Variants in CSMD1 observed in about 807,000 individuals in gnomAD.
CSMD1 encodes CUB and sushi domain-containing protein 1.
Under a neutral mutation model 417.5 loss-of-function variants are expected in CSMD1, and 213 were observed. The observed-to-expected ratio is 0.51, with a 90% CI of 0.46 to 0.57. The LOEUF is 0.57. Ranked by LOEUF, CSMD1 falls within the 20% of genes least tolerant of loss-of-function variation. CSMD1 has a pLI of 0.00. For missense variants in CSMD1, 6,923 were observed against 4,529.7 expected, an observed-to-expected ratio of 1.53 and a Z score of -15.17; for synonymous variants, 2,862 against 1,736.8, an observed-to-expected ratio of 1.65 and a Z score of -16.11.
chr8:3,469,397 T>G (rs745606335), intron 11 of CSMD1, among the ~76,000 whole-genome samples: 1 of 152,208 alleles, frequency 6.6e-6, no homozygotes, highest in African/African-American at 2.4e-5. Context: ...CATGCATAGC[T>G]GAAATAGATT....
chr8:4,131,637 G>A (rs74924032), intron 3 of CSMD1, among the ~76,000 whole-genome samples: 1 of 151,034 alleles, frequency 6.6e-6, no homozygotes, highest in Non-Finnish European at 1.5e-5. Flanking sequence ...TTCTTGACTA[G>A]TTCTCAAGTA....
chr8:4,078,491 C>T (rs1193173528), intron 3 of CSMD1, among the ~76,000 whole-genome samples: 1 of 151,714 alleles, frequency 6.6e-6, no homozygotes, highest in African/African-American at 2.4e-5. Context: ...GTCTCGATCT[C>T]CTGACCTTGT....
intron 7 of CSMD1, among the ~76,000 whole-genome samples, chr8:3,677,723 T>C (rs1021494816): frequency 1.3e-5 from 2 of 152,188 alleles, no homozygotes; most frequent in Non-Finnish European, 2.9e-5. Flanking sequence ...TGGAAGTCTG[T>C]CTTTTGGAAA....
At chr8:4,767,973 G>C (rs113510456) in intron 1 of CSMD1, among the ~76,000 whole-genome samples, 2 of 152,268 alleles carry the variant, frequency 1.3e-5, no homozygotes, top group African/African-American at 4.8e-5. Context: ...GGTCAATCTA[G>C]CACAGAGTGT....
At chr8:3,772,268 C>G (rs1213307447) in intron 5 of CSMD1, among the ~76,000 whole-genome samples, 1 of 130,426 alleles carries the variant, frequency 7.7e-6, no homozygotes, top group African/African-American at 3.2e-5. Context: ...TTTAGACATA[C>G]ATATGTACAT....
rs549101727 is a variant in CSMD1 at position 4,872,939 on chromosome 8, C to T, written c.85+121393G>A. 2.5e-3 allele frequency among the ~76,000 whole-genome samples: 383 copies of T among 152,106 alleles called. 4 individuals carry two copies. The highest frequency in any genetic ancestry group is 8.8e-3 in the African/African-American group (365 of 41,442). Reference sequence around the variant, plus strand: ...GACATATGTTTTATTTTATTTCCATCTCTATTGAAGTATGACTGGCAAACA... The same window carrying T: ...GACATATGTTTTATTTTATTTCCATTTCTATTGAAGTATGACTGGCAAACA... On this transcript the variant is annotated intron_variant, in intron 1 of 69. Transcript: ENST00000635120.
chr8:3,764,089 T>A (rs1416269166), intron 5 of CSMD1, among the ~76,000 whole-genome samples: 1 of 152,112 alleles, frequency 6.6e-6, no homozygotes, highest in Non-Finnish European at 1.5e-5. Flanking sequence ...TATTTCTGGT[T>A]GCACTCAAAA....
chr8:3,332,813 C>A (rs1806992736), intron 23 of CSMD1, among the ~76,000 whole-genome samples: 1 of 152,176 alleles, frequency 6.6e-6, no homozygotes, highest in Non-Finnish European at 1.5e-5. Flanking sequence ...CTGCTCCAAC[C>A]CTGGATGTAT....
chr8:3,559,964 G>A (rs1585367907), intron 10 of CSMD1, among the ~76,000 whole-genome samples: 1 of 152,108 alleles, frequency 6.6e-6, no homozygotes, highest in African/African-American at 2.4e-5. Flanking sequence ...AAGCCGTGCG[G>A]AATGAAGGTG....
intron 12 of CSMD1, among the ~76,000 whole-genome samples, chr8:3,458,733 G>GTAAATGGCTCTTAATATTTTGGTTAC (rs1816309245): frequency 2.0e-5 from 3 of 152,156 alleles, no homozygotes; most frequent in Admixed American, 6.5e-5. Context: ...TATTTGGTTT[G>GTAAATGGCTCTTAATATTTTGGTTAC]TAAATGGCTC....
chr8:3,326,525 G>C (rs918260970), intron 23 of CSMD1, among the ~76,000 whole-genome samples: 3 of 152,172 alleles, frequency 2.0e-5, no homozygotes, highest in African/African-American at 4.8e-5. Flanking sequence ...TTGGCCCCAA[G>C]TGCCTTATGT....
intron 3 of CSMD1, among the ~76,000 whole-genome samples, chr8:4,355,714 C>T (rs1005169680): frequency 6.6e-6 from 1 of 152,162 alleles, no homozygotes; most frequent in African/African-American, 2.4e-5. Context: ...AGTTAAGGGT[C>T]CAGCAATGCA....
At chr8:4,412,497 G>C (rs1026661907) in intron 3 of CSMD1, among the ~76,000 whole-genome samples, 5 of 152,164 alleles carry the variant, frequency 3.3e-5, no homozygotes, top group African/African-American at 4.8e-5. Flanking sequence ...CCAGCCTGCA[G>C]AACTGTGAAC....
intron 3 of CSMD1, among the ~76,000 whole-genome samples, chr8:4,215,591 C>T (rs557066539): frequency 6.6e-6 from 1 of 151,902 alleles, no homozygotes; most frequent in South Asian, 2.1e-4. Context: ...AAAATTTATA[C>T]ATGAAATATG....
At chr8:4,846,795 C>A (rs558570498) in intron 1 of CSMD1, among the ~76,000 whole-genome samples, 2 of 152,272 alleles carry the variant, frequency 1.3e-5, no homozygotes, top group South Asian at 4.1e-4. Context: ...GTAAATTAGA[C>A]AGCAAATGTG....
At chr8:3,435,021 A>G (rs948199188) in intron 12 of CSMD1, among the ~76,000 whole-genome samples, 2 of 149,190 alleles carry the variant, frequency 1.3e-5, no homozygotes, top group African/African-American at 4.8e-5. Context: ...GGTAGCAGAC[A>G]GGACTGGGAG....
intron 40 of CSMD1, among the ~76,000 whole-genome samples, chr8:3,146,677 T>C (rs562642194): frequency 3.4e-4 from 52 of 152,286 alleles, no homozygotes; most frequent in Admixed American, 1.0e-3. Flanking sequence ...TGTGGGTCAC[T>C]GTCCCGCAGT....
chr8:3,284,758 C>T (rs773895163), intron 25 of CSMD1: 29 of 173,048 alleles, frequency 1.7e-4, no homozygotes, highest in Middle Eastern at 2.9e-3. Flanking sequence ...TCACGAAATG[C>T]CCCGCTAGGT....
chr8:4,986,475 A>G (rs1811184409), intron 1 of CSMD1, among the ~76,000 whole-genome samples: 1 of 152,240 alleles, frequency 6.6e-6, no homozygotes. Flanking sequence ...CCTGCAATTT[A>G]TAATTAATTT....
Sources: allele counts gnomAD v4.1 joint callset (sites outside exome capture counted in the v4.1 genomes callset), GRCh38; gene constraint gnomAD v4.1.1; transcripts MANE v1.5; gene names NCBI Gene and HGNC (gene_info 2026-07-23, HGNC 2026-07-21).